Variants in PSMC4 observed in about 807,000 individuals in gnomAD.
PSMC4 encodes the protein proteasome 26S subunit, ATPase 4, also known as 26S proteasome regulatory subunit 6B.
A neutral mutation model predicts 48.4 loss-of-function variants in PSMC4; 13 were observed. That is an observed-to-expected ratio of 0.27 (90% confidence interval 0.18 to 0.43). The LOEUF is 0.43. Ranked by LOEUF, PSMC4 falls within the 20% of genes least tolerant of loss-of-function variation. The probability of loss-of-function intolerance (pLI) is 1.00; values close to 1 mark genes in which losing one functional copy is unlikely to be tolerated. For synonymous variants in PSMC4, 202 were observed against 212.3 expected, an observed-to-expected ratio of 0.95 and a Z score of 0.42; for missense variants, 262 against 555.9, an observed-to-expected ratio of 0.47 and a Z score of 5.32.
At position 39,976,488 on chromosome 19, in the gene PSMC4, G is replaced by GC. The variant is rs564295392; in HGVS notation, c.673+1663dup. Among the ~76,000 whole-genome samples, 18 of 148,946 alleles carry GC rather than the reference G, an allele frequency of 1.2e-4. No individual in the cohort carries two copies. The East Asian group carries it at 3.4e-3, about 28-fold the overall frequency. ...AGGTGATGTCTTAGTTGGAAATGTG[G>GC]CCCGACACAGATTCGTAAAGTTTCT... is the stretch of plus-strand genomic sequence containing the variant. On this transcript the variant is annotated intron_variant, in intron 6 of 10. Coordinates refer to ENST00000157812, the MANE Select transcript of PSMC4 (RefSeq NM_006503.4).
At chr19:39,979,625 T>G in intron 6 of PSMC4, 192 bp from the exon 7 acceptor site, 1 of 418,208 alleles carries the variant, frequency 2.4e-6, no homozygotes, top group Non-Finnish European at 4.0e-6. Context: ...TGGGTCACTG[T>G]GGGGTACAAG....
At chr19:39,975,664 C>T (rs1426439799) in intron 6 of PSMC4, among the ~76,000 whole-genome samples, 4 of 152,132 alleles carry the variant, frequency 2.6e-5, no homozygotes, top group Non-Finnish European at 5.9e-5. Context: ...GTTTCCTCAC[C>T]TGTCAGATGG....
rs897022969 is a variant in PSMC4, at chr19:39,979,902, G to C, written c.759G>C (p.Leu253=). 1.2e-6 allele frequency: 2 copies of C among 1,613,988 alleles called. No individual in the cohort carries two copies. Among genetic ancestry groups the C allele is most frequent in the Non-Finnish European group, 1.7e-6 (2 of 1,180,030 alleles). Residue 253 remains leucine (L), a synonymous_variant, in exon 7 of 11, where the codon CTG becomes CTC. Transcript: ENST00000157812. ...GCATGGTCCGGGATGTGTTCCGCCTGGCCAAGGAGAATGCACCTGCCATCA... is the reference window on the plus strand; with the variant it reads ...GCATGGTCCGGGATGTGTTCCGCCTCGCCAAGGAGAATGCACCTGCCATCA... ...GPRMVRDVFR[L]AKENAPAIIF... is the part of the protein sequence containing the mutation.
Position 39,974,448 on chromosome 19 carries a change from G to C in PSMC4, c.469+8G>C. 6.2e-7 allele frequency: 1 copy of C among 1,613,844 alleles called. No individual in the cohort carries two copies. The highest frequency in any genetic ancestry group is 1.7e-4 in the Middle Eastern group (1 of 6,060). On this transcript the variant is annotated splice_region_variant and intron_variant, in intron 4 of 10. Transcript: ENST00000157812. The surrounding 1 kb of genome is among the most constrained non-coding windows in gnomAD (Gnocchi z 5.5). ...TCATGATGCTCACCTCAGGTAAAGGGGGAGCCTGCAGCTGGGAGGGCCCCA... is the reference window on the plus strand; with the variant it reads ...TCATGATGCTCACCTCAGGTAAAGGCGGAGCCTGCAGCTGGGAGGGCCCCA...
intron 2 of PSMC4, 43 bp downstream of exon 2, chr19:39,972,287 T>G: frequency 6.2e-7 from 1 of 1,610,158 alleles, no homozygotes. Flanking sequence ...GGACCTGACA[T>G]CTCATACTCT....
In PSMC4 at chr19:39,974,015, A is replaced by C. The variant is rs1971150328; in HGVS notation, c.323-279A>C. Among the ~76,000 whole-genome samples, 1 of 152,116 alleles carries C rather than the reference A, an allele frequency of 6.6e-6. No homozygotes were observed. Among genetic ancestry groups the C allele is most frequent in the South Asian group, 2.1e-4 (1 of 4,826 alleles). On this transcript the variant is annotated intron_variant, in intron 3 of 10. Transcript: ENST00000157812. This position sits in a 1 kb window ranked among gnomAD's most constrained non-coding sequence, Gnocchi z 5.5. ...GTCAGCCAGGTCTGACAATCAGGAG[A>C]GAGACTGAGCCTGGAAACAGAAGTG... is the stretch of plus-strand genomic sequence containing the variant.
In PSMC4 at chr19:39,978,979, TC is replaced by T. The variant is rs1971248013; in HGVS notation, c.674-836del. ...GTAAGCTATGATGATACCACTGTAC[TC>T]CAAGTCCAAAGGGAGGGCCCAGAAC... is the stretch of plus-strand genomic sequence containing the variant. On this transcript the variant is annotated intron_variant, in intron 6 of 10. Coordinates refer to ENST00000157812, the MANE Select transcript of PSMC4 (RefSeq NM_006503.4). Among the ~76,000 whole-genome samples, 2 of 152,282 alleles carry T rather than the reference TC, an allele frequency of 1.3e-5. 1 individual carries two copies. The highest frequency in any genetic ancestry group is 4.8e-5 in the African/African-American group (2 of 41,550).
intron 6 of PSMC4, among the ~76,000 whole-genome samples, chr19:39,978,658 C>T (rs1303626906): frequency 1.3e-5 from 2 of 152,008 alleles, no homozygotes; most frequent in African/African-American, 2.4e-5. Flanking sequence ...GAAGGAGAGT[C>T]CTGGGGGTAT....
At position 39,980,451 on chromosome 19, in the gene PSMC4, G is replaced by C; in HGVS notation, c.1084G>C (p.Asp362His). The stretch of plus-strand genomic sequence containing the variant: ...CCTCTCTGAGGAGGTTGACTTGGAA[G>C]ACTGTATCCTGCTCCAGAAGTCAGG... The part of the protein sequence containing the change: ...MNLSEEVDLE[D>H]YVARPDKISG... Residue 362 changes from aspartate (D) to histidine (H), a missense_variant, in exon 9 of 11, where the codon GAC becomes CAC. Around this residue, in one of 4 missense-constraint regions of PSMC4, gnomAD observed 84 missense variants for 157.8 expected, o/e 0.53. Transcript: ENST00000157812. The surrounding 1 kb of genome is among the most constrained non-coding windows in gnomAD (Gnocchi z 4.8). The C allele has an allele frequency of 6.2e-7, 1 of 1,613,948 alleles. No individual in the cohort carries two copies. The highest frequency in any genetic ancestry group is 8.5e-7 in the Non-Finnish European group (1 of 1,179,948).
intron 6 of PSMC4, among the ~76,000 whole-genome samples, chr19:39,975,386 G>A (rs73930679): frequency 0.065 from 9,525 of 147,418 alleles, 992 homozygotes; most frequent in African/African-American, 0.23. Context: ...GATTACAGGC[G>A]TGAGCCATGT....
rs113163256 is a variant in PSMC4 at position 39,980,922 on chromosome 19, A to G, written c.1143+205A>G. Among the ~76,000 whole-genome samples, 1 of 152,234 alleles carries G rather than the reference A, an allele frequency of 6.6e-6. No homozygotes were observed. Among genetic ancestry groups the G allele is most frequent in the African/African-American group, 2.4e-5 (1 of 41,528 alleles). On this transcript the variant is annotated intron_variant, in intron 10 of 10. Transcript: ENST00000157812. This position sits in a 1 kb window ranked among gnomAD's most constrained non-coding sequence, Gnocchi z 4.8. ...GAGACAGGGACTCACTCTGTCGCCCAGGCTGGAGTGCAGTGGGGCAATCAT... is the reference window on the plus strand; with the variant it reads ...GAGACAGGGACTCACTCTGTCGCCCGGGCTGGAGTGCAGTGGGGCAATCAT...
intron 6 of PSMC4, among the ~76,000 whole-genome samples, chr19:39,979,156 C>A (rs909901282): frequency 2.6e-5 from 4 of 152,214 alleles, no homozygotes; most frequent in Admixed American, 1.3e-4. Context: ...AGTGTATGGG[C>A]AGCATGCCTG....
In PSMC4 at chr19:39,974,150, C is replaced by G. The variant is rs1418660304; in HGVS notation, c.323-144C>G. On this transcript the variant is annotated intron_variant, in intron 3 of 10. Transcript: ENST00000157812. The surrounding 1 kb of genome is among the most constrained non-coding windows in gnomAD (Gnocchi z 5.5). ...AGTTCGTGTGAATACTGGGGACGGA[C>G]AGCAGGAGGGAAGGCTGGAGGCCGA... The G allele has an allele frequency of 1.1e-6, 1 of 951,774 alleles. No homozygotes were observed. The highest frequency in any genetic ancestry group is 1.7e-5 in the African/African-American group (1 of 60,454). 59.0% of individuals were successfully genotyped at this position (951,774 alleles called of 1,614,324 possible). A position where few individuals can be genotyped will look rare whatever the true frequency, so the allele number is the denominator to read the frequency against.
intron 6 of PSMC4, among the ~76,000 whole-genome samples, chr19:39,977,682 C>T (rs894602809): frequency 7.9e-5 from 12 of 151,962 alleles, no homozygotes; most frequent in African/African-American, 2.4e-4. Context: ...ATTAGCCAGG[C>T]ATGGTGGTGG....
rs1599729747 is a variant in PSMC4 at position 39,979,554 on chromosome 19, C to CT, written c.674-262dup. On this transcript the variant is annotated intron_variant, in intron 6 of 10. Coordinates refer to ENST00000157812, the MANE Select transcript of PSMC4 (RefSeq NM_006503.4). Reference sequence around the variant, plus strand: ...CCAGCCTGGGCGACAGAGCAAGACTCTGTCTCCAAAAAAAAAAAAAAAGTG... The same window carrying CT: ...CCAGCCTGGGCGACAGAGCAAGACTCTTGTCTCCAAAAAAAAAAAAAAAGTG... The CT allele has an allele frequency of 1.7e-5, 5 of 292,928 alleles. No individual in the cohort carries two copies. In the East Asian group the frequency reaches 2.8e-4, roughly 16 times the overall value. 18.1% of individuals were successfully genotyped at this position (292,928 alleles called of 1,614,324 possible).
intron 6 of PSMC4, among the ~76,000 whole-genome samples, chr19:39,978,577 C>G (rs1050008235): frequency 3.9e-5 from 6 of 152,110 alleles, no homozygotes; most frequent in African/African-American, 1.4e-4. Context: ...AAGCCTTGAA[C>G]AGTTCCTAGC....
chr19:39,981,593 C>T lies in PSMC4; in HGVS notation c.*288C>T, dbSNP rs1971287693. The stretch of plus-strand genomic sequence containing the variant: ...CAAAATATTCAAACCAGATGACTTC[C>T]AAAATGTGGGGAAAGGGATGGAAAA... On this transcript the variant is annotated 3_prime_UTR_variant, in exon 11 of 11. Coordinates refer to ENST00000157812, the MANE Select transcript of PSMC4 (RefSeq NM_006503.4). Among the ~76,000 whole-genome samples, 1 of 152,092 alleles carries T rather than the reference C, an allele frequency of 6.6e-6. No homozygotes were observed. Among genetic ancestry groups the T allele is most frequent in the African/African-American group, 2.4e-5 (1 of 41,410 alleles).
chr19:39,979,562 A>C, intron 6 of PSMC4: 1 of 147,990 alleles, frequency 6.8e-6, no homozygotes, highest in Non-Finnish European at 1.4e-5. Context: ...CTCTGTCTCC[A>C]AAAAAAAAAA....
chr19:39,979,057 G>A (rs867610055), intron 6 of PSMC4, among the ~76,000 whole-genome samples: 6 of 152,154 alleles, frequency 3.9e-5, no homozygotes, highest in South Asian at 2.1e-4. Context: ...GAACATGCCC[G>A]TGGTCCCTGA....
Sources: allele counts gnomAD v4.1 joint callset (sites outside exome capture counted in the v4.1 genomes callset), GRCh38; gene constraint gnomAD v4.1.1; regional missense constraint gnomAD v4.1.1; non-coding constraint Gnocchi (gnomAD v3.1); transcripts MANE v1.5; gene names NCBI Gene and HGNC (gene_info 2026-07-23, HGNC 2026-07-21).